KDM4B: variants seen among roughly 807,000 people sequenced by gnomAD.
The protein encoded by KDM4B is lysine-specific demethylase 4B.
In KDM4B, 32 loss-of-function variants were observed where a neutral mutation model predicts 125.2. The observed-to-expected ratio is 0.26, with a 90% CI of 0.19 to 0.34. The LOEUF (loss-of-function observed/expected upper bound fraction) is 0.34, where lower values mean the gene tolerates loss of function less well. Among genes scored for constraint, KDM4B ranks in the 10% least tolerant of loss-of-function variants. The pLI is 1.00. For missense variants in KDM4B, 1,190 were observed against 1,577.7 expected (o/e 0.75, Z 4.16); for synonymous variants, 721 against 677.9 (o/e 1.06, Z -0.99).
At chr19:5,039,444 C>G (rs1037016221) in intron 3 of KDM4B, among the ~76,000 whole-genome samples, 2 of 152,026 alleles carry the variant, frequency 1.3e-5, no homozygotes, top group African/African-American at 2.4e-5. Flanking sequence ...GACAGCAAGA[C>G]CCTGTCTCAA....
intron 11 of KDM4B, among the ~76,000 whole-genome samples, chr19:5,125,776 C>A (rs572839598): frequency 1.4e-4 from 21 of 150,702 alleles, no homozygotes; most frequent in African/African-American, 4.9e-4. Flanking sequence ...TGCTGCCCAC[C>A]CCCCGCCCCC....
intron 4 of KDM4B, among the ~76,000 whole-genome samples, chr19:5,040,563 A>G (rs1036136762): frequency 2.0e-5 from 3 of 152,186 alleles, no homozygotes; most frequent in Admixed American, 6.5e-5. Context: ...ACCCAGGTAC[A>G]CATGGCACCT....
intron 10 of KDM4B, among the ~76,000 whole-genome samples, chr19:5,117,388 A>T (rs2039277789): frequency 6.6e-6 from 1 of 152,066 alleles, no homozygotes; most frequent in African/African-American, 2.4e-5. Flanking sequence ...AGCTGAGGCC[A>T]GGTGAGCGGC....
In KDM4B at chr19:5,115,874, G is replaced by A. The variant is rs2039244605; in HGVS notation, c.1116-3779G>A. On this transcript the variant is annotated intron_variant, in intron 10 of 22. Transcript: ENST00000159111. The surrounding 1 kb of genome is among the most constrained non-coding windows in gnomAD (Gnocchi z 4.2). ...ACAGACAGAGCTGGAAGATAGGAAGGATCAGGAAGTCAGAGGCGTAGTCTA... is the reference window on the plus strand; with the variant it reads ...ACAGACAGAGCTGGAAGATAGGAAGAATCAGGAAGTCAGAGGCGTAGTCTA... 6.6e-6 allele frequency among the ~76,000 whole-genome samples: 1 copy of A among 152,186 alleles called. No individual in the cohort carries two copies. The highest frequency in any genetic ancestry group is 6.5e-5 in the Admixed American group (1 of 15,284).
chr19:5,132,802 C>T (rs2146064347), intron 13 of KDM4B, among the ~76,000 whole-genome samples: 1 of 152,288 alleles, frequency 6.6e-6, no homozygotes, highest in East Asian at 1.9e-4. Context: ...GAACCCCAGG[C>T]ATTCTGGGGT....
intron 1 of KDM4B, among the ~76,000 whole-genome samples, chr19:4,979,404 T>C (rs1050476646): frequency 6.6e-6 from 1 of 152,232 alleles, no homozygotes; most frequent in Non-Finnish European, 1.5e-5. Context: ...CACAGATGAC[T>C]GTGAGCTTGA....
intron 18 of KDM4B, 69 bp downstream of exon 18, chr19:5,138,139 C>G: frequency 3.3e-6 from 4 of 1,199,896 alleles, no homozygotes; most frequent in Non-Finnish European, 4.8e-6. Flanking sequence ...CGGCTCCCCA[C>G]CTGCGCGATC....
At chr19:5,118,421 C>A (rs1254550154) in intron 10 of KDM4B, among the ~76,000 whole-genome samples, 1 of 152,168 alleles carries the variant, frequency 6.6e-6, no homozygotes, top group African/African-American at 2.4e-5. Flanking sequence ...GGCTGTGCGG[C>A]CTCGAGCTCA....
At chr19:5,111,457 G>C (rs368919809) in intron 10 of KDM4B, 2 of 765,314 alleles carry the variant, frequency 2.6e-6, no homozygotes, top group South Asian at 2.7e-5. Flanking sequence ...AGCATCTGCA[G>C]CCTCTTGGCT....
chr19:4,989,924 A>T (rs1301970126), intron 1 of KDM4B, among the ~76,000 whole-genome samples: 2 of 152,150 alleles, frequency 1.3e-5, no homozygotes, highest in Non-Finnish European at 1.5e-5. Context: ...GAGTGCTGGG[A>T]TTATAGGCGT....
chr19:5,058,173 G>A (rs1183015653), intron 6 of KDM4B, among the ~76,000 whole-genome samples: 1 of 152,260 alleles, frequency 6.6e-6, no homozygotes, highest in Non-Finnish European at 1.5e-5. Flanking sequence ...TGGGTGCTGG[G>A]TGCCCTGCAG....
rs112093316 is a variant in KDM4B at position 5,011,483 on chromosome 19, G to GC, written c.-108-4770dup. 4.1e-3 allele frequency among the ~76,000 whole-genome samples: 625 copies of GC among 152,326 alleles called. 9 individuals carry two copies. Among genetic ancestry groups the GC allele is most frequent in the African/African-American group, 0.014 (595 of 41,574 alleles). ...CCCCAACCTGTAAGGGGTACGCAGA[G>GC]CCCCTGGAAAAAGGAGGACCTTCCT... On this transcript the variant is annotated intron_variant, in intron 1 of 22. Transcript: ENST00000159111.
In KDM4B at chr19:5,090,654, C is replaced by T. The variant is rs544130909; in HGVS notation, c.918+8150C>T. Among the ~76,000 whole-genome samples, 157 of 128,946 alleles carry T rather than the reference C, an allele frequency of 1.2e-3. 1 individual carries two copies. The highest frequency in any genetic ancestry group is 1.9e-3 in the Non-Finnish European group (115 of 60,406). The allele number at this position is 128,946 out of a possible 152,430, so 84.6% of individuals were successfully genotyped here. A position where few individuals can be genotyped will look rare whatever the true frequency, so the allele number is the denominator to read the frequency against. ...GCGCGTGCGCCCCCCTCCGGCCCCC[C>T]CTTCCCCCCACCGCCGACAGTACCA... On this transcript the variant is annotated intron_variant, in intron 9 of 22. Coordinates refer to ENST00000159111, the MANE Select transcript of KDM4B (RefSeq NM_015015.3).
chr19:5,053,987 A>G (rs946906206), intron 6 of KDM4B, among the ~76,000 whole-genome samples: 12 of 152,352 alleles, frequency 7.9e-5, no homozygotes, highest in South Asian at 2.1e-4. Context: ...ACCTGTCCCA[A>G]TCCTCTGCTT....
chr19:5,140,749 G>T (rs1218994041), intron 18 of KDM4B: 7 of 86,298 alleles, frequency 8.1e-5, no homozygotes, highest in African/African-American at 2.9e-4. Flanking sequence ...AAAAAAAGAT[G>T]AGGAGAGCAA....
Position 5,054,487 on chromosome 19 carries a change from T to C in KDM4B, c.626+6818T>C, listed in dbSNP as rs992246388. Among the ~76,000 whole-genome samples the C allele has an allele frequency of 3.4e-3, 390 of 114,796 alleles. 1 individual carries two copies. The highest frequency in any genetic ancestry group is 0.012 in the African/African-American group (343 of 29,194). 75.3% of individuals were successfully genotyped at this position (114,796 alleles called of 152,430 possible). A position where few individuals can be genotyped will look rare whatever the true frequency, so the allele number is the denominator to read the frequency against. ...ATGTGTGTGTGTGTGTGTGTGTGTG[T>C]GTGCGCGCGCATGCACATGCGTACA... is the stretch of plus-strand genomic sequence containing the variant. On this transcript the variant is annotated intron_variant, in intron 6 of 22. Transcript: ENST00000159111.
chr19:5,039,742 G>C (rs965279324), intron 3 of KDM4B, 94 bp from the exon 4 acceptor site: 3 of 1,389,068 alleles, frequency 2.2e-6, no homozygotes, highest in Non-Finnish European at 3.0e-6. Flanking sequence ...GATCTTGGGG[G>C]GTGCTGGTCT....
intron 6 of KDM4B, among the ~76,000 whole-genome samples, chr19:5,057,065 T>TGTGCGC (rs55806859): frequency 0.012 from 1,519 of 128,308 alleles, 13 homozygotes; most frequent in Non-Finnish European, 0.016. Flanking sequence ...TGTGTGTGTG[T>TGTGCGC]GCGCGCGCGC....
chr19:4,974,254 C>G (rs2034364823), intron 1 of KDM4B, among the ~76,000 whole-genome samples: 1 of 151,558 alleles, frequency 6.6e-6, no homozygotes, highest in Admixed American at 6.6e-5. Context: ...AAAAAATTAC[C>G]CGGGCATGGT....
Sources: allele counts gnomAD v4.1 joint callset (sites outside exome capture counted in the v4.1 genomes callset), GRCh38; gene constraint gnomAD v4.1.1; non-coding constraint Gnocchi (gnomAD v3.1); transcripts MANE v1.5; gene names NCBI Gene and HGNC (gene_info 2026-07-23, HGNC 2026-07-21).